Variants in GRIK3 observed in about 807,000 individuals in gnomAD.
The protein encoded by GRIK3 is glutamate receptor ionotropic, kainate 3.
A neutral mutation model predicts 102.5 loss-of-function variants in GRIK3; 29 were observed. The observed-to-expected ratio is 0.28, with a 90% CI of 0.21 to 0.39. The LOEUF is 0.39. GRIK3 is among the 10% of genes least tolerant of loss of function. The probability of loss-of-function intolerance (pLI) is 1.00; values close to 1 mark genes in which losing one functional copy is unlikely to be tolerated. For synonymous variants in GRIK3, 511 were observed against 504.9 expected (o/e 1.01, Z -0.16); for missense variants, 908 against 1,252.4 (o/e 0.73, Z 4.15).
chr1:37,012,157 C>T (rs750104333), intron 1 of GRIK3, among the ~76,000 whole-genome samples: 4 of 152,218 alleles, frequency 2.6e-5, no homozygotes, highest in Non-Finnish European at 5.9e-5. Flanking sequence ...TGTGTGGGAA[C>T]GAGTGCCAGG....
rs1258851324 is a variant in GRIK3 at position 36,882,029 on chromosome 1, T to C, written c.293-1138A>G. 6.5e-4 allele frequency among the ~76,000 whole-genome samples: 4 copies of C among 6,182 alleles called. No homozygotes were observed. The East Asian group carries it at 0.044, about 69-fold the overall frequency. 4.1% of individuals were successfully genotyped at this position (6,182 alleles called of 152,430 possible). On this transcript the variant is annotated intron_variant, in intron 2 of 15. Transcript: ENST00000373091. ...CTCCTCCTTGAGGCCTCTGTGTCTG[T>C]GTCTTACTAGGGAGGCCTTCACCGC...
At chr1:37,030,539 C>CT (rs1642814325) in intron 1 of GRIK3, among the ~76,000 whole-genome samples, 3 of 113,480 alleles carry the variant, frequency 2.6e-5, no homozygotes, top group Non-Finnish European at 3.4e-5. Flanking sequence ...TTCCCCACCC[C>CT]CCACCCCCTC....
chr1:36,985,810 G>T (rs139123510), intron 1 of GRIK3, among the ~76,000 whole-genome samples: 4 of 152,326 alleles, frequency 2.6e-5, no homozygotes, highest in Non-Finnish European at 4.4e-5. Context: ...ACAGAGTTGT[G>T]TGTGGGCTCC....
At chr1:36,840,152 C>T (rs1228915935) in intron 10 of GRIK3, among the ~76,000 whole-genome samples, 1 of 152,154 alleles carries the variant, frequency 6.6e-6, no homozygotes, top group Non-Finnish European at 1.5e-5. Flanking sequence ...CTTTCTGCCT[C>T]AGTCTCCCTA....
chr1:36,935,327 G>C (rs950462576), intron 1 of GRIK3, among the ~76,000 whole-genome samples: 1 of 152,108 alleles, frequency 6.6e-6, no homozygotes, highest in Non-Finnish European at 1.5e-5. Flanking sequence ...ATGCAATCCT[G>C]GGTACCCATA....
At chr1:36,938,445 C>T (rs1041127307) in intron 1 of GRIK3, among the ~76,000 whole-genome samples, 3 of 152,044 alleles carry the variant, frequency 2.0e-5, no homozygotes, top group Non-Finnish European at 4.4e-5. Context: ...CTGCTACTGC[C>T]GGGGAGGGAA....
At chr1:36,812,887 G>T (rs540856274) in intron 13 of GRIK3, among the ~76,000 whole-genome samples, 23 of 152,310 alleles carry the variant, frequency 1.5e-4, no homozygotes, top group African/African-American at 5.5e-4. Context: ...CCTAGTCCTC[G>T]ATATTATCTC....
In GRIK3 at chr1:36,902,235, A is replaced by G. The variant is rs191518508; in HGVS notation, c.116-11139T>C. Among the ~76,000 whole-genome samples, 495 of 152,364 alleles carry G rather than the reference A, an allele frequency of 3.2e-3. 4 individuals are homozygous for G. The highest frequency in any genetic ancestry group is 0.011 in the African/African-American group (471 of 41,584). Reference sequence around the variant, plus strand: ...TTGTGGCTATTGACAAATTGATTCTAAAGTGTACATAGAGAGGCAAAAGAC... The same window carrying G: ...TTGTGGCTATTGACAAATTGATTCTGAAGTGTACATAGAGAGGCAAAAGAC... On this transcript the variant is annotated intron_variant, in intron 1 of 15. Transcript: ENST00000373091.
At chr1:37,018,383 C>T (rs181472335) in intron 1 of GRIK3, among the ~76,000 whole-genome samples, 7 of 152,266 alleles carry the variant, frequency 4.6e-5, no homozygotes, top group African/African-American at 9.6e-5. Flanking sequence ...ACTCACTGGC[C>T]CCGATTCTAC....
chr1:36,987,938 T>G (rs1163737053), intron 1 of GRIK3, among the ~76,000 whole-genome samples: 1 of 152,092 alleles, frequency 6.6e-6, no homozygotes, highest in Non-Finnish European at 1.5e-5. Flanking sequence ...TTAATAGAAC[T>G]CAGGCAGGGC....
chr1:37,028,560 TG>T (rs993605752), intron 1 of GRIK3, among the ~76,000 whole-genome samples: 53 of 152,012 alleles, frequency 3.5e-4, no homozygotes, highest in African/African-American at 1.2e-3. Context: ...GAATTCAGAG[TG>T]GTAGAGCCCA....
chr1:36,827,951 G>A (rs1306761753), intron 10 of GRIK3, among the ~76,000 whole-genome samples: 1 of 152,004 alleles, frequency 6.6e-6, no homozygotes, highest in Non-Finnish European at 1.5e-5. Context: ...TCTTTCTTTT[G>A]TAAATGTCTG....
intron 1 of GRIK3, among the ~76,000 whole-genome samples, chr1:36,995,355 T>C (rs748801232): frequency 9.2e-5 from 14 of 152,158 alleles, no homozygotes; most frequent in Non-Finnish European, 1.6e-4. Context: ...AGACCCCTGC[T>C]CTCAGCTTCA....
intron 1 of GRIK3, among the ~76,000 whole-genome samples, chr1:36,935,563 TGCCCCC>T (rs2124318021): frequency 7.1e-6 from 1 of 140,740 alleles, no homozygotes; most frequent in Admixed American, 7.1e-5. Flanking sequence ...CTCCCCACCC[TGCCCCC>T]GCACCCAGCA....
chr1:36,864,348 C>T (rs3767051), intron 5 of GRIK3, among the ~76,000 whole-genome samples: 60 of 152,298 alleles, frequency 3.9e-4, no homozygotes, highest in African/African-American at 1.3e-3. Context: ...TGACCTGCTG[C>T]GACCATGGAA....
chr1:36,880,237 G>A lies in GRIK3; in HGVS notation c.550+397C>T, dbSNP rs149179060. Among the ~76,000 whole-genome samples the A allele has an allele frequency of 6.3e-3, 960 of 152,336 alleles. 5 individuals are homozygous for A. The highest frequency in any genetic ancestry group is 0.013 in the South Asian group (65 of 4,820). On this transcript the variant is annotated intron_variant, in intron 3 of 15. Transcript: ENST00000373091. This position sits in a 1 kb window ranked among gnomAD's most constrained non-coding sequence, Gnocchi z 5.4. ...AACACTAGGCCACGCCATAAGCTATGTGTGTGAGTGTGCAAGTGTGAGGGT... is the reference window on the plus strand; with the variant it reads ...AACACTAGGCCACGCCATAAGCTATATGTGTGAGTGTGCAAGTGTGAGGGT...
In GRIK3 at chr1:36,880,941, A is replaced by C. The variant is rs1438187567; in HGVS notation, c.293-50T>G. On this transcript the variant is annotated intron_variant, in intron 2 of 15. Coordinates refer to ENST00000373091, the MANE Select transcript of GRIK3 (RefSeq NM_000831.4). This position sits in a 1 kb window ranked among gnomAD's most constrained non-coding sequence, Gnocchi z 5.4. Reference sequence around the variant, plus strand: ...AGGGGTCAGCACTGGGGCTGTGGGTATGGGGACAGTGATGCTGATGATCCT... The same window carrying C: ...AGGGGTCAGCACTGGGGCTGTGGGTCTGGGGACAGTGATGCTGATGATCCT... The C allele has an allele frequency of 6.5e-7, 1 of 1,541,730 alleles. No homozygotes were observed. Among genetic ancestry groups the C allele is most frequent in the Non-Finnish European group, 8.8e-7 (1 of 1,140,228 alleles).
intron 2 of GRIK3, among the ~76,000 whole-genome samples, chr1:36,887,770 A>AT (rs1641056838): frequency 8.0e-4 from 87 of 108,332 alleles, no homozygotes; most frequent in South Asian, 4.3e-3. Flanking sequence ...AAAAAAAAAA[A>AT]AATATATATA....
chr1:36,809,152 CCCATCCATCCATCCAT>C (rs56242743), intron 13 of GRIK3, among the ~76,000 whole-genome samples: 2 of 150,994 alleles, frequency 1.3e-5, no homozygotes, highest in Admixed American at 6.6e-5. Flanking sequence ...TACCCATCAA[CCCATCCATCCATCCAT>C]CCATCCATCC....
Sources: gnomAD v4.1 joint callset for allele counts (sites outside exome capture counted in the v4.1 genomes callset) on GRCh38, gnomAD v4.1.1 for gene constraint, Gnocchi (gnomAD v3.1) non-coding constraint, MANE v1.5 for transcripts, NCBI Gene and HGNC (gene_info 2026-07-23, HGNC 2026-07-21) for gene names.